CFAP221: variants seen among roughly 807,000 people sequenced by gnomAD.
CFAP221 encodes the protein cilia- and flagella-associated protein 221.
A neutral mutation model predicts 113.1 loss-of-function variants in CFAP221; 97 were observed. The ratio of observed to expected loss-of-function variants is 0.86; its 90% confidence interval spans 0.73 to 1.02. CFAP221 has a LOEUF of 1.02. CFAP221 is among the 50% of genes least tolerant of loss of function. The pLI is 0.00. For missense variants in CFAP221, 1,025 were observed against 1,013.4 expected, an observed-to-expected ratio of 1.01 and a Z score of -0.16; for synonymous variants, 331 against 354.4, an observed-to-expected ratio of 0.93 and a Z score of 0.74.
chr2:119,638,159 G>C, intron 19 of CFAP221, 100 bp from the exon 20 acceptor site: 1 of 1,265,674 alleles, frequency 7.9e-7, no homozygotes, highest in Non-Finnish European at 1.1e-6. Flanking sequence ...CAGAGTGTTA[G>C]TGCTAGTGGG....
chr2:119,624,231 AAAG>A (rs1235027191), intron 14 of CFAP221, among the ~76,000 whole-genome samples: 7 of 152,248 alleles, frequency 4.6e-5, no homozygotes, highest in African/African-American at 1.7e-4. Flanking sequence ...ACACTTCTCA[AAAG>A]AAGATGTTTA....
downstream of CFAP221, among the ~76,000 whole-genome samples, chr2:119,659,142 G>A (rs746178601): frequency 6.6e-6 from 1 of 151,984 alleles, no homozygotes; most frequent in Non-Finnish European, 1.5e-5. Flanking sequence ...CATCATCTAC[G>A]ATGTATTACC....
intron 11 of CFAP221, among the ~76,000 whole-genome samples, chr2:119,605,901 A>G (rs1469072774): frequency 6.6e-6 from 1 of 152,236 alleles, no homozygotes; most frequent in Non-Finnish European, 1.5e-5. Context: ...ATATGGTCAC[A>G]TAAAAAAGTG....
At chr2:119,622,096 T>C (rs1357589784) in intron 14 of CFAP221, among the ~76,000 whole-genome samples, 2 of 151,952 alleles carry the variant, frequency 1.3e-5, no homozygotes, top group African/African-American at 4.8e-5. Flanking sequence ...TTTGAAAAGG[T>C]TAACAAAATA....
intron 6 of CFAP221, among the ~76,000 whole-genome samples, chr2:119,578,761 C>T (rs1366198292): frequency 1.3e-5 from 2 of 152,158 alleles, no homozygotes; most frequent in Non-Finnish European, 2.9e-5. Context: ...TGTCAGTTAA[C>T]CTTCTTTTTC....
chr2:119,596,093 T>A (rs1045974778), intron 7 of CFAP221, among the ~76,000 whole-genome samples: 13 of 151,962 alleles, frequency 8.6e-5, no homozygotes, highest in Non-Finnish European at 7.4e-5. Flanking sequence ...ACTGGAGAGT[T>A]TGAAGCAGAG....
At chr2:119,599,720 C>G (rs1285977613) in intron 7 of CFAP221, among the ~76,000 whole-genome samples, 1 of 152,166 alleles carries the variant, frequency 6.6e-6, no homozygotes. Context: ...CTTGCTTCCC[C>G]CTGCCTGTTG....
At chr2:119,577,875 G>A (rs972451111) in intron 6 of CFAP221, among the ~76,000 whole-genome samples, 7 of 152,312 alleles carry the variant, frequency 4.6e-5, no homozygotes, top group African/African-American at 9.6e-5. Context: ...AAACCACCCC[G>A]AAGGTAGTAG....
At position 119,646,939 on chromosome 2, in the gene CFAP221, T is replaced by C; in HGVS notation, c.2226-19T>C. On this transcript the variant is annotated intron_variant, in intron 21 of 23. Transcript: ENST00000413369. ...CTAGTGTGACTCTATCTTTGACTGC[T>C]TGTGTGGTTTTTCCACAGCTGCGAT... 1 of 1,600,334 alleles carries C rather than the reference T, an allele frequency of 6.2e-7. No homozygotes were observed. Among genetic ancestry groups the C allele is most frequent in the African/African-American group, 1.3e-5 (1 of 74,528 alleles).
chr2:119,558,213 C>T (rs959576500), intron 3 of CFAP221, among the ~76,000 whole-genome samples: 1 of 152,150 alleles, frequency 6.6e-6, no homozygotes, highest in South Asian at 2.1e-4. Context: ...AGATTCCAGG[C>T]CTGGGGCTGA....
chr2:119,556,496 C>T (rs1439304823), intron 3 of CFAP221, among the ~76,000 whole-genome samples: 2 of 150,506 alleles, frequency 1.3e-5, no homozygotes, highest in Admixed American at 1.3e-4. Flanking sequence ...CAAATTGGAT[C>T]TATGTTGTTT....
chr2:119,630,654 C>T lies in CFAP221; in HGVS notation c.1816C>T (p.Arg606Ter), dbSNP rs867214691. The T allele has an allele frequency of 6.2e-6, 10 of 1,613,560 alleles. No individual in the cohort carries two copies. The highest frequency in any genetic ancestry group is 2.2e-5 in the South Asian group (2 of 91,062). The change falls in exon 18 of 24, where the codon CGA (arginine) becomes TGA (stop). Residue 606 changes from arginine to a stop codon, truncating the protein, a stop_gained. Transcript: ENST00000413369. LOFTEE classifies it high-confidence loss of function. ...AAGTTACAGACCTCAAAAGCTTGCC[C>T]GAGCCCTAAAGCAAGGAGCTGAGGT... ...STSYRPQKLARALKQGAEDEV... is the reference protein window; with the variant it reads ...STSYRPQKLA
intron 6 of CFAP221, among the ~76,000 whole-genome samples, chr2:119,578,191 C>A (rs115907735): frequency 0.028 from 4,320 of 152,344 alleles, 74 homozygotes; most frequent in Non-Finnish European, 0.041. Context: ...ATACCAGTTG[C>A]TTAGGCCTTG....
chr2:119,559,596 A>C (rs1181668798), intron 3 of CFAP221, 93 bp from the exon 4 acceptor site: 3 of 1,083,524 alleles, frequency 2.8e-6, no homozygotes, highest in African/African-American at 1.6e-5. Flanking sequence ...TATCTCCTCA[A>C]ATTCTTTTAG....
intron 19 of CFAP221, among the ~76,000 whole-genome samples, chr2:119,635,131 A>G (rs1357048446): frequency 6.6e-6 from 1 of 152,256 alleles, no homozygotes; most frequent in Non-Finnish European, 1.5e-5. Flanking sequence ...AGAATAATAC[A>G]TCATTAACAA....
chr2:119,578,578 C>G (rs1388171830), intron 6 of CFAP221, among the ~76,000 whole-genome samples: 1 of 152,204 alleles, frequency 6.6e-6, no homozygotes, highest in Non-Finnish European at 1.5e-5. Context: ...AGTGATACCA[C>G]CACATGTTAT....
intron 19 of CFAP221, among the ~76,000 whole-genome samples, chr2:119,637,901 A>C (rs1171488064): frequency 6.6e-6 from 1 of 152,320 alleles, no homozygotes; most frequent in South Asian, 2.1e-4. Flanking sequence ...GCTTTTTTAA[A>C]CCAGTGTGCT....
At chr2:119,632,897 CA>C (rs1686875511) in intron 19 of CFAP221, among the ~76,000 whole-genome samples, 1 of 151,850 alleles carries the variant, frequency 6.6e-6, no homozygotes, top group Admixed American at 6.6e-5. Flanking sequence ...ACAATAGCAT[CA>C]AAACATGAAA....
rs968580752 is a variant in CFAP221 at position 119,642,559 on chromosome 2, T to A, written c.2225+2687T>A. ...TTTTTTTTTTTTTTTTTTTTTTTTT[T>A]AGATGAGATATCACTATCTTCCACG... is the stretch of plus-strand genomic sequence containing the variant. On this transcript the variant is annotated intron_variant, in intron 21 of 23. Transcript: ENST00000413369. Among the ~76,000 whole-genome samples the A allele has an allele frequency of 1.0e-4, 9 of 88,482 alleles. No homozygotes were observed. In the South Asian group the frequency reaches 1.6e-3, roughly 16 times the overall value. 58.0% of individuals were successfully genotyped at this position (88,482 alleles called of 152,430 possible). A position where few individuals can be genotyped will look rare whatever the true frequency, so the allele number is the denominator to read the frequency against.
Sources: gnomAD v4.1 joint callset for allele counts (sites outside exome capture counted in the v4.1 genomes callset) on GRCh38, gnomAD v4.1.1 for gene constraint, MANE v1.5 for transcripts, NCBI Gene and HGNC (gene_info 2026-07-23, HGNC 2026-07-21) for gene names.